OTOR: variants seen among roughly 807,000 people sequenced by gnomAD.
OTOR encodes fibrocyte-derived protein.
A neutral mutation model predicts 15.9 loss-of-function variants in OTOR; 20 were observed. The observed-to-expected ratio is 1.26, with a 90% confidence interval of 0.89 to 1.83. The LOEUF (loss-of-function observed/expected upper bound fraction) is 1.83, where lower values mean the gene tolerates loss of function less well. Among genes scored for constraint, OTOR ranks in the 40% most tolerant of loss-of-function variants. The pLI is 0.00. For synonymous variants in OTOR, 53 were observed against 54.2 expected, an observed-to-expected ratio of 0.98 and a Z score of 0.09; for missense variants, 184 against 159.0, an observed-to-expected ratio of 1.16 and a Z score of -0.85.
chr20:16,750,926 T>C (rs750505504), intron 3 of OTOR, among the ~76,000 whole-genome samples, 169 bp from the exon 4 acceptor site: 1 of 152,224 alleles, frequency 6.6e-6, no homozygotes, highest in Non-Finnish European at 1.5e-5. Flanking sequence ...TCATTGTAAG[T>C]AGTTTTTGAC....
At chr20:16,750,550 A>G (rs977422423) in intron 3 of OTOR, among the ~76,000 whole-genome samples, 2 of 152,226 alleles carry the variant, frequency 1.3e-5, no homozygotes, top group Non-Finnish European at 2.9e-5. Context: ...CAAAGTCAGC[A>G]CTGACTCTTA....
Position 16,751,123 on chromosome 20 carries a change from T to G in OTOR, c.*5T>G. On this transcript the variant is annotated 3_prime_UTR_variant, in exon 4 of 4. Coordinates refer to ENST00000246081, the MANE Select transcript of OTOR (RefSeq NM_020157.4). ...ATTGACTTCTTCTGCGAGTAATAAA[T>G]TAGTTAAAACTGCAAATAGAAAGAA... 1 of 1,534,254 alleles carries G rather than the reference T, an allele frequency of 6.5e-7. No individual in the cohort carries two copies.
At chr20:16,748,628 G>T in intron 1 of OTOR, 112 bp downstream of exon 1, 1 of 752,634 alleles carries the variant, frequency 1.3e-6, no homozygotes, top group Non-Finnish European at 2.2e-6. Flanking sequence ...CAATGTGTAT[G>T]TTATCAGCTT....
At position 16,748,466 on chromosome 20, in the gene OTOR, T is replaced by C. The variant is rs771258316; in HGVS notation, c.65T>C (p.Phe22Ser). 21 of 1,613,656 alleles carry C rather than the reference T, an allele frequency of 1.3e-5. No homozygotes were observed. The highest frequency in any genetic ancestry group is 1.8e-5 in the Non-Finnish European group (21 of 1,179,658). The change falls in exon 1 of 4, where the codon TTT becomes TCT. Residue 22 changes from phenylalanine to serine, a missense_variant. Coordinates refer to ENST00000246081, the MANE Select transcript of OTOR (RefSeq NM_020157.4). ...LVAVCAVHGI[F>S]MDRLASKKLC... ...GCTGTATGTGCTGTGCATGGAATAT[T>C]TATGGACCGTCTAGCTTCCAAGAAG...
Position 16,748,989 on chromosome 20 carries a change from G to T in OTOR, c.238G>T (p.Glu80Ter). The change falls in exon 2 of 4, where the codon GAA (glutamate) becomes TAA (stop). Residue 80 changes from glutamate to a stop codon, truncating the protein, a stop_gained. Transcript: ENST00000246081. LOFTEE classifies it high-confidence loss of function. ...GCTGGTAAAAGAAAATGGAGCTGGA[G>T]AATTTTGGGCTGGCAGTGTAAGATA... ...SKLVKENGAG[E>*]FWAGSVYGDG... 1 of 1,585,084 alleles carries T rather than the reference G, an allele frequency of 6.3e-7. No individual in the cohort carries two copies.
At position 16,750,005 on chromosome 20, in the gene OTOR, A is replaced by G. The variant is rs559087983; in HGVS notation, c.358A>G (p.Thr120Ala). Reference sequence around the variant, plus strand: ...CCAGGAAGCTACCAAGGAAGTTCCCACCACGGTAAGCATCTCAAAAGTGAC... The same window carrying G: ...CCAGGAAGCTACCAAGGAAGTTCCCGCCACGGTAAGCATCTCAAAAGTGAC... Reference protein sequence around the residue: ...VYQEATKEVPTTDIDFFCE With the variant: ...VYQEATKEVPATDIDFFCE Residue 120 changes from threonine to alanine, a missense_variant, in exon 3 of 4, where the codon ACC (threonine) becomes GCC (alanine). By Grantham distance (58) the Thr-to-Ala change is moderately conservative. Coordinates refer to ENST00000246081, the MANE Select transcript of OTOR (RefSeq NM_020157.4). 1.9e-6 allele frequency: 3 copies of G among 1,604,880 alleles called. No individual in the cohort carries two copies. In the African/African-American group the frequency reaches 4.0e-5, roughly 21 times the overall value.
intron 1 of OTOR, 37 bp downstream of exon 1, chr20:16,748,553 T>C (rs1177635308): frequency 8.2e-7 from 1 of 1,218,616 alleles, no homozygotes; most frequent in Non-Finnish European, 1.2e-6. Flanking sequence ...ATCTTTCTAT[T>C]ACATAATTGA....
intron 3 of OTOR, among the ~76,000 whole-genome samples, chr20:16,750,799 ATTG>A (rs2072524561): frequency 6.6e-6 from 1 of 152,198 alleles, no homozygotes; most frequent in South Asian, 2.1e-4. Flanking sequence ...TCTGGAGCTA[ATTG>A]TTGTGCTTCA....
At chr20:16,751,040 T>A (rs2072525787) in intron 3 of OTOR, 55 bp from the exon 4 acceptor site, 1 of 1,373,566 alleles carries the variant, frequency 7.3e-7, no homozygotes, top group Non-Finnish European at 9.9e-7. Flanking sequence ...TCTACATCTG[T>A]TTTTTTAGCC....
rs1006731092 is a variant in OTOR, at chr20:16,751,913, A to C, written c.*795A>C. 5.3e-5 allele frequency: 8 copies of C among 152,234 alleles called. No individual in the cohort carries two copies. The East Asian group carries it at 1.5e-3, about 29-fold the overall frequency. The allele number at this position is 152,234 out of a possible 1,614,324, so 9.4% of individuals were successfully genotyped here. On this transcript the variant is annotated 3_prime_UTR_variant, in exon 4 of 4. Transcript: ENST00000246081. ...GTCATCAAAAGACCCAGAAAAAAAAAAGTCTGTAGGTTATTTTCTCTACTT... is the reference window on the plus strand; with the variant it reads ...GTCATCAAAAGACCCAGAAAAAAAACAGTCTGTAGGTTATTTTCTCTACTT...
In OTOR at chr20:16,748,848, T is replaced by C. The variant is rs766948982; in HGVS notation, c.116-19T>C. ...TTCAGGAGCCTAAAATGTAATCATT[T>C]AAATTTTTTTTCTTCCAGATACTAT... On this transcript the variant is annotated intron_variant, in intron 1 of 3. Transcript: ENST00000246081. 1.3e-6 allele frequency: 2 copies of C among 1,550,986 alleles called. No homozygotes were observed. The highest frequency in any genetic ancestry group is 4.6e-5 in the East Asian group (2 of 43,514).
chr20:16,748,848 T>G lies in OTOR; in HGVS notation c.116-19T>G, dbSNP rs766948982. On this transcript the variant is annotated intron_variant, in intron 1 of 3. Transcript: ENST00000246081. ...TTCAGGAGCCTAAAATGTAATCATT[T>G]AAATTTTTTTTCTTCCAGATACTAT... 1.3e-6 allele frequency: 2 copies of G among 1,551,104 alleles called. No individual in the cohort carries two copies. Among genetic ancestry groups the G allele is most frequent in the Non-Finnish European group, 1.7e-6 (2 of 1,155,116 alleles).
chr20:16,748,383 T>A lies in OTOR; in HGVS notation c.-19T>A, dbSNP rs751598815. The A allele has an allele frequency of 1.9e-6, 3 of 1,548,846 alleles. No individual in the cohort carries two copies. In the South Asian group the frequency reaches 3.3e-5, roughly 17 times the overall value. Reference sequence around the variant, plus strand: ...CCCCGCTTCCAGTCAGAGTTCAAGTTAAAACAGAAAAAAGGAAGATGGCAA... The same window carrying A: ...CCCCGCTTCCAGTCAGAGTTCAAGTAAAAACAGAAAAAAGGAAGATGGCAA... On this transcript the variant is annotated 5_prime_UTR_variant, in exon 1 of 4. Coordinates refer to ENST00000246081, the MANE Select transcript of OTOR (RefSeq NM_020157.4).
At chr20:16,748,813 T>A in intron 1 of OTOR, 54 bp from the exon 2 acceptor site, 1 of 1,374,548 alleles carries the variant, frequency 7.3e-7, no homozygotes, top group Non-Finnish European at 9.8e-7. Flanking sequence ...TGCCTTTTAC[T>A]GTTATAAAAT....
At position 16,751,650 on chromosome 20, in the gene OTOR, G is replaced by A. The variant is rs2072529828; in HGVS notation, c.*532G>A. 1 of 152,086 alleles carries A rather than the reference G, an allele frequency of 6.6e-6. No individual in the cohort carries two copies. Among genetic ancestry groups the A allele is most frequent in the Non-Finnish European group, 1.5e-5 (1 of 68,036 alleles). The allele number at this position is 152,086 out of a possible 1,614,324, so 9.4% of individuals were successfully genotyped here. On this transcript the variant is annotated 3_prime_UTR_variant, in exon 4 of 4. Transcript: ENST00000246081. ...ATGCCTTTTGGAGGTAAAGCTGTTG[G>A]GGGAAGAAGAGTTTTTGGACCCATA... is the stretch of plus-strand genomic sequence containing the variant.
In OTOR at chr20:16,748,502, A is replaced by G. The variant is rs1382009750; in HGVS notation, c.101A>G (p.Asp34Gly). 6.2e-7 allele frequency: 1 copy of G among 1,602,220 alleles called. No individual in the cohort carries two copies. ...DRLASKKLCA[D>G]DECVYTISLA... Reference sequence around the variant, plus strand: ...CTAGCTTCCAAGAAGCTCTGTGCAGATGATGAGTGTGTCTGTAAGGACTTT... The same window carrying G: ...CTAGCTTCCAAGAAGCTCTGTGCAGGTGATGAGTGTGTCTGTAAGGACTTT... The change falls in exon 1 of 4, where the codon GAT becomes GGT. Residue 34 changes from aspartate (D) to glycine (G), a missense_variant. Physicochemically the swap from Asp to Gly is moderately conservative, Grantham distance 94. Coordinates refer to ENST00000246081, the MANE Select transcript of OTOR (RefSeq NM_020157.4).
In OTOR at chr20:16,749,062, C is replaced by T. The variant is rs6135877; in HGVS notation, c.255+56C>T. The T allele has an allele frequency of 6.1e-4, 800 of 1,311,070 alleles. 10 individuals are homozygous for T. The East Asian group carries it at 0.018, about 30-fold the overall frequency. The allele number at this position is 1,311,070 out of a possible 1,614,324, so 81.2% of individuals were successfully genotyped here. The stretch of plus-strand genomic sequence containing the variant: ...ATTGCTCTTAACCTTTCCTTGATTA[C>T]CTACCTTCAACCTATTTTAATGCTT... On this transcript the variant is annotated intron_variant, in intron 2 of 3. Transcript: ENST00000246081.
In OTOR at chr20:16,751,250, C is replaced by A; in HGVS notation, c.*132C>A. On this transcript the variant is annotated 3_prime_UTR_variant, in exon 4 of 4. Coordinates refer to ENST00000246081, the MANE Select transcript of OTOR (RefSeq NM_020157.4). ...TTGTTACCTTACAGAAGAGCAAGGGCTTAGGGGTTGGAGGTGGCAGATAAA... is the reference window on the plus strand; with the variant it reads ...TTGTTACCTTACAGAAGAGCAAGGGATTAGGGGTTGGAGGTGGCAGATAAA... The A allele has an allele frequency of 1.6e-6, 1 of 642,246 alleles. No homozygotes were observed. The highest frequency in any genetic ancestry group is 2.6e-6 in the Non-Finnish European group (1 of 380,698). The allele number at this position is 642,246 out of a possible 1,614,324, so 39.8% of individuals were successfully genotyped here.
At chr20:16,750,966 G>T in intron 3 of OTOR, 129 bp from the exon 4 acceptor site, 2 of 685,126 alleles carry the variant, frequency 2.9e-6, no homozygotes, top group South Asian at 1.9e-5. Context: ...ATATTTTTTG[G>T]GGGTCAACCT....
Sources: allele counts gnomAD v4.1 joint callset (sites outside exome capture counted in the v4.1 genomes callset), GRCh38; gene constraint gnomAD v4.1.1; transcripts MANE v1.5; gene names NCBI Gene and HGNC (gene_info 2026-07-23, HGNC 2026-07-21).